RCOR3: variants seen among roughly 807,000 people sequenced by gnomAD.
RCOR3 encodes REST corepressor 3.
Under a neutral mutation model 64.1 loss-of-function variants are expected in RCOR3, and 13 were observed. That is an observed-to-expected ratio of 0.20 (90% CI 0.13 to 0.32). The LOEUF (loss-of-function observed/expected upper bound fraction) is 0.32. RCOR3 is among the 10% of genes least tolerant of loss of function. The pLI is 1.00. For synonymous variants in RCOR3, 215 were observed against 239.0 expected, an observed-to-expected ratio of 0.90 and a Z score of 0.93; for missense variants, 489 against 701.2, an observed-to-expected ratio of 0.70 and a Z score of 3.42.
chr1:211,285,310 C>G (rs1398122641), intron 7 of RCOR3, among the ~76,000 whole-genome samples: 1 of 152,178 alleles, frequency 6.6e-6, no homozygotes, highest in Non-Finnish European at 1.5e-5. Context: ...GTTTTTGACT[C>G]ATTCACATTG....
At position 211,259,641 on chromosome 1, in the gene RCOR3, C is replaced by G. The variant is rs935897598; in HGVS notation, c.81C>G (p.Gly27=). 3.2e-6 allele frequency: 5 copies of G among 1,546,408 alleles called. No individual in the cohort carries two copies. The highest frequency in any genetic ancestry group is 1.2e-5 in the South Asian group (1 of 83,906). ...ACGGCAGCGCCAAGAGCCCGGCAGG[C>G]GGCGGCGGCAGCGGCGCCTCGTCCA... ...SANGSAKSPA[G]GGGSGASSTN... is the part of the protein sequence containing the mutation. Residue 27 remains glycine (G), a synonymous_variant, in exon 1 of 12, where the codon GGC becomes GGG. Coordinates refer to ENST00000419091, the MANE Select transcript of RCOR3 (RefSeq NM_001136223.3).
At chr1:211,260,794 C>G (rs570488055) in intron 2 of RCOR3, 1 of 152,988 alleles carries the variant, frequency 6.5e-6, no homozygotes, top group South Asian at 2.1e-4. Flanking sequence ...CCTCGCTCGC[C>G]AGCCAGCTCT....
chr1:211,295,476 T>C (rs1387472876), intron 8 of RCOR3, among the ~76,000 whole-genome samples, 200 bp from the exon 9 acceptor site: 1 of 152,192 alleles, frequency 6.6e-6, no homozygotes, highest in African/African-American at 2.4e-5. Context: ...CAGAGTGTTT[T>C]AGTCTGTTAG....
Position 211,259,662 on chromosome 1 carries a change from G to C in RCOR3, c.102G>C (p.Ser34=), listed in dbSNP as rs1397303200. 6 of 1,546,432 alleles carry C rather than the reference G, an allele frequency of 3.9e-6. No individual in the cohort carries two copies. Among genetic ancestry groups the C allele is most frequent in the Non-Finnish European group, 5.2e-6 (6 of 1,145,158 alleles). ...CAGGCGGCGGCGGCAGCGGCGCCTC[G>C]TCCACCAACGGCGGGCTGCACTACT... ...SPAGGGGSGA[S]STNGGLHYSE... The change falls in exon 1 of 12, where the codon TCG becomes TCC. Residue 34 remains serine, a synonymous_variant. Transcript: ENST00000419091.
intron 9 of RCOR3, among the ~76,000 whole-genome samples, chr1:211,300,910 G>C (rs906428215): frequency 2.6e-5 from 2 of 78,030 alleles, no homozygotes; most frequent in Admixed American, 1.3e-4. Context: ...GTGTGTATGC[G>C]TGCGTGCGTG....
Position 211,314,723 on chromosome 1 carries a change from G to A in RCOR3, c.*955G>A, listed in dbSNP as rs1230078327. On this transcript the variant is annotated 3_prime_UTR_variant, in exon 12 of 12. Transcript: ENST00000419091. ...GTGGTTATGGAAGCATTTCTTTACA[G>A]TACCCTTTACATGTTTGGTTTCTGA... is the stretch of plus-strand genomic sequence containing the variant. 1.3e-5 allele frequency: 2 copies of A among 152,094 alleles called. No individual in the cohort carries two copies. The highest frequency in any genetic ancestry group is 1.3e-4 in the Admixed American group (2 of 15,272). The allele number at this position is 152,094 out of a possible 1,614,324, so 9.4% of individuals were successfully genotyped here. A position where few individuals can be genotyped will look rare whatever the true frequency, so the allele number is the denominator to read the frequency against.
intron 9 of RCOR3, among the ~76,000 whole-genome samples, chr1:211,300,168 T>A (rs1472340578): frequency 1.4e-5 from 2 of 148,088 alleles, no homozygotes; most frequent in Non-Finnish European, 3.0e-5. Flanking sequence ...TCTCCTGGGC[T>A]CAGGTGACTC....
chr1:211,264,562 G>GTAC (rs1694879664), intron 2 of RCOR3, among the ~76,000 whole-genome samples: 1 of 152,166 alleles, frequency 6.6e-6, no homozygotes, highest in Non-Finnish European at 1.5e-5. Context: ...TACCACATCT[G>GTAC]TACTTCCAGC....
At position 211,313,796 on chromosome 1, in the gene RCOR3, C is replaced by G; in HGVS notation, c.*28C>G. The G allele has an allele frequency of 6.4e-7, 1 of 1,560,706 alleles. No individual in the cohort carries two copies. Among genetic ancestry groups the G allele is most frequent in the African/African-American group, 1.4e-5 (1 of 74,066 alleles). ...ATTAAATTGGACACAGCTGCAGTAACTTTTCACCCCATCATTATACCAGTG... is the reference window on the plus strand; with the variant it reads ...ATTAAATTGGACACAGCTGCAGTAAGTTTTCACCCCATCATTATACCAGTG... On this transcript the variant is annotated 3_prime_UTR_variant, in exon 12 of 12. Coordinates refer to ENST00000419091, the MANE Select transcript of RCOR3 (RefSeq NM_001136223.3). This position sits in a 1 kb window ranked among gnomAD's most constrained non-coding sequence, Gnocchi z 4.7.
intron 7 of RCOR3, among the ~76,000 whole-genome samples, chr1:211,287,633 G>A (rs1698708441): frequency 6.6e-6 from 1 of 152,126 alleles, no homozygotes; most frequent in Non-Finnish European, 1.5e-5. Flanking sequence ...TGTAATCCCA[G>A]CACTTTAGGT....
At chr1:211,300,938 C>A (rs1018267956) in intron 9 of RCOR3, among the ~76,000 whole-genome samples, 5 of 151,882 alleles carry the variant, frequency 3.3e-5, no homozygotes, top group African/African-American at 1.2e-4. Context: ...GTGTAAAACA[C>A]TACCCTAAAT....
intron 7 of RCOR3, among the ~76,000 whole-genome samples, chr1:211,281,788 A>G (rs1362767276): frequency 6.6e-6 from 1 of 152,168 alleles, no homozygotes; most frequent in Non-Finnish European, 1.5e-5. Flanking sequence ...CTTATCTTGA[A>G]TTGACAACCT....
chr1:211,262,076 C>T (rs1255593017), intron 2 of RCOR3, among the ~76,000 whole-genome samples: 9 of 96,168 alleles, frequency 9.4e-5, no homozygotes, highest in Admixed American at 1.7e-4. Context: ...CTTACTCTGT[C>T]GCCCAGGCTG....
chr1:211,283,812 A>AT (rs71134672), intron 7 of RCOR3, among the ~76,000 whole-genome samples: 42,426 of 134,010 alleles, frequency 0.32, 6,437 homozygotes, highest in African/African-American at 0.38. Flanking sequence ...CCTGGCTTGT[A>AT]TTTTTTTTTT....
Position 211,313,084 on chromosome 1 carries a change from T to C in RCOR3, c.1317+123T>C. On this transcript the variant is annotated intron_variant, in intron 11 of 11. Transcript: ENST00000419091. The surrounding 1 kb of genome is among the most constrained non-coding windows in gnomAD (Gnocchi z 4.7). ...TGAGCATGAAAGGTTGACAATACACTTCTTCAGTGGTGCATCTCTCGTGAC... is the reference window on the plus strand; with the variant it reads ...TGAGCATGAAAGGTTGACAATACACCTCTTCAGTGGTGCATCTCTCGTGAC... 1.3e-6 allele frequency: 2 copies of C among 1,554,790 alleles called. No homozygotes were observed. Among genetic ancestry groups the C allele is most frequent in the African/African-American group, 2.7e-5 (2 of 73,126 alleles).
Position 211,313,225 on chromosome 1 carries a change from T to G in RCOR3, c.1318-199T>G, listed in dbSNP as rs1028372983. 1.4e-6 allele frequency: 2 copies of G among 1,431,164 alleles called. No homozygotes were observed. The highest frequency in any genetic ancestry group is 5.9e-5 in the Admixed American group (2 of 33,822). The allele number at this position is 1,431,164 out of a possible 1,614,324, so 88.7% of individuals were successfully genotyped here. A position where few individuals can be genotyped will look rare whatever the true frequency, so the allele number is the denominator to read the frequency against. On this transcript the variant is annotated intron_variant, in intron 11 of 11. Coordinates refer to ENST00000419091, the MANE Select transcript of RCOR3 (RefSeq NM_001136223.3). The surrounding 1 kb of genome is among the most constrained non-coding windows in gnomAD (Gnocchi z 4.7). ...AGCTGTTTACAAATAAAGATGCCTG[T>G]TTGGTAGCCTCATTGGTTTTTGGTT...
intron 7 of RCOR3, among the ~76,000 whole-genome samples, chr1:211,283,964 GTTTT>G: frequency 6.6e-6 from 1 of 151,608 alleles, no homozygotes; most frequent in South Asian, 2.1e-4. Flanking sequence ...TGTGGTTTGT[GTTTT>G]TACTCTCTAC....
chr1:211,283,789 G>A (rs992573134), intron 7 of RCOR3, among the ~76,000 whole-genome samples: 2 of 150,398 alleles, frequency 1.3e-5, no homozygotes, highest in Admixed American at 6.6e-5. Flanking sequence ...GATTGCAGAC[G>A]TGAGCCAGCA....
rs183056727 is a variant in RCOR3 at position 211,292,303 on chromosome 1, C to T, written c.939+2907C>T. 1.3e-3 allele frequency among the ~76,000 whole-genome samples: 191 copies of T among 152,346 alleles called. 2 individuals carry two copies. Among genetic ancestry groups the T allele is most frequent in the African/African-American group, 3.3e-3 (137 of 41,584 alleles). On this transcript the variant is annotated intron_variant, in intron 8 of 11. Coordinates refer to ENST00000419091, the MANE Select transcript of RCOR3 (RefSeq NM_001136223.3). The stretch of plus-strand genomic sequence containing the variant: ...AACGCATCTCATATTTGGTTAAATG[C>T]TTAGCCTTTAGTCAAACTATGAATG...
Sources: allele counts gnomAD v4.1 joint callset (sites outside exome capture counted in the v4.1 genomes callset), GRCh38; gene constraint gnomAD v4.1.1; non-coding constraint Gnocchi (gnomAD v3.1); transcripts MANE v1.5; gene names NCBI Gene and HGNC (gene_info 2026-07-23, HGNC 2026-07-21).